Variants in VKORC1L1 observed in about 807,000 individuals in gnomAD.
VKORC1L1 encodes the protein vitamin K epoxide reductase complex subunit 1L1, also known as vitamin K epoxide reductase complex subunit 1-like protein 1.
A neutral mutation model predicts 18.9 loss-of-function variants in VKORC1L1; 2 were observed. The ratio of observed to expected loss-of-function variants is 0.11; its 90% confidence interval spans 0.04 to 0.33. The LOEUF (loss-of-function observed/expected upper bound fraction) is 0.33. Ranked by LOEUF, VKORC1L1 falls within the 10% of genes least tolerant of loss-of-function variation. The pLI is 1.00. For synonymous variants in VKORC1L1, 96 were observed against 100.0 expected, an observed-to-expected ratio of 0.96 and a Z score of 0.24; for missense variants, 123 against 224.1, an observed-to-expected ratio of 0.55 and a Z score of 2.88.
chr7:65,957,769 T>G lies in VKORC1L1; in HGVS notation c.*3469T>G, dbSNP rs901129603. 1 of 151,996 alleles carries G rather than the reference T, an allele frequency of 6.6e-6. No individual in the cohort carries two copies. The highest frequency in any genetic ancestry group is 1.5e-5 in the Non-Finnish European group (1 of 68,012). The allele number at this position is 151,996 out of a possible 1,614,324, so 9.4% of individuals were successfully genotyped here. On this transcript the variant is annotated 3_prime_UTR_variant, in exon 3 of 3. Coordinates refer to ENST00000360768, the MANE Select transcript of VKORC1L1 (RefSeq NM_173517.6). ...ATTGCTTGAACCCAGTAGGTGGAGG[T>G]TGCAGTGAGCCACAGTTGCGCCATT...
At chr7:65,882,651 CTG>C (rs1788947619) in intron 1 of VKORC1L1, among the ~76,000 whole-genome samples, 1 of 151,996 alleles carries the variant, frequency 6.6e-6, no homozygotes, top group South Asian at 2.1e-4. Flanking sequence ...ATTAGTAAGA[CTG>C]TAGCTTTATG....
chr7:65,955,325 G>A lies in VKORC1L1; in HGVS notation c.*1025G>A, dbSNP rs183481123. On this transcript the variant is annotated 3_prime_UTR_variant, in exon 3 of 3. Transcript: ENST00000360768. ...CAAGCCCCATCGCTCCGGAGTGGGA[G>A]CCAGTGTTCTTGCTAATTGTTTCTT... is the stretch of plus-strand genomic sequence containing the variant. The A allele has an allele frequency of 1.5e-4, 23 of 152,320 alleles. No individual in the cohort carries two copies. Among genetic ancestry groups the A allele is most frequent in the African/African-American group, 5.3e-4 (22 of 41,560 alleles). 9.4% of individuals were successfully genotyped at this position (152,320 alleles called of 1,614,324 possible). A position where few individuals can be genotyped will look rare whatever the true frequency, so the allele number is the denominator to read the frequency against.
Position 65,879,550 on chromosome 7 carries a change from A to C in VKORC1L1, c.194+5985A>C, listed in dbSNP as rs532455903. 7.5e-4 allele frequency among the ~76,000 whole-genome samples: 114 copies of C among 152,314 alleles called. 1 individual carries two copies. Among genetic ancestry groups the C allele is most frequent in the African/African-American group, 1.9e-3 (80 of 41,576 alleles). ...CATTTTACACATGAGAAAACTGAGC[A>C]ACGCAGACTAACACTTGATCCAGGT... On this transcript the variant is annotated intron_variant, in intron 1 of 2. Transcript: ENST00000360768.
intron 1 of VKORC1L1, among the ~76,000 whole-genome samples, chr7:65,924,966 C>G (rs935582570): frequency 5.3e-5 from 8 of 152,158 alleles, no homozygotes; most frequent in Non-Finnish European, 1.2e-4. Flanking sequence ...TGGGTGCTTT[C>G]CCTCCTGGTT....
intron 1 of VKORC1L1, among the ~76,000 whole-genome samples, chr7:65,924,808 A>G (rs138509064): frequency 7.2e-4 from 110 of 152,322 alleles, no homozygotes; most frequent in Non-Finnish European, 1.0e-3. Context: ...TATATGGAAT[A>G]TAAATATTTG....
upstream of VKORC1L1, among the ~76,000 whole-genome samples, chr7:65,871,975 A>G (rs905364322): frequency 3.3e-5 from 5 of 152,252 alleles, no homozygotes; most frequent in South Asian, 4.1e-4. Context: ...CAAAATCACT[A>G]TATAAAGCCC....
At chr7:65,905,376 T>A (rs1017869462) in intron 1 of VKORC1L1, among the ~76,000 whole-genome samples, 1 of 152,088 alleles carries the variant, frequency 6.6e-6, no homozygotes, top group Non-Finnish European at 1.5e-5. Context: ...AGTGGCGCGA[T>A]CTCAGCTCAC....
rs188065708 is a variant in VKORC1L1, at chr7:65,919,554, C to T, written c.195-29117C>T. On this transcript the variant is annotated intron_variant, in intron 1 of 2. Transcript: ENST00000360768. ...TAGACCATTTTCTTGCCTCATGCTG[C>T]ACATCCAGTCTGCGAGCAAGTCTTG... Among the ~76,000 whole-genome samples the T allele has an allele frequency of 2.0e-3, 308 of 152,230 alleles. 2 individuals are homozygous for T. The highest frequency in any genetic ancestry group is 0.017 in the Middle Eastern group (5 of 294).
At chr7:65,907,884 GT>G (rs35763745) in intron 1 of VKORC1L1, among the ~76,000 whole-genome samples, 77,330 of 150,026 alleles carry the variant, frequency 0.52, 20,720 homozygotes, top group East Asian at 0.81. Flanking sequence ...TCCCTCATCA[GT>G]TTTTTTTTTT....
intron 1 of VKORC1L1, among the ~76,000 whole-genome samples, chr7:65,931,386 A>T (rs1789854924): frequency 6.6e-6 from 1 of 152,088 alleles, no homozygotes; most frequent in African/African-American, 2.4e-5. Context: ...TTCTTTCAAG[A>T]TTTTTAACTA....
rs527255693 is a variant in VKORC1L1 at position 65,897,370 on chromosome 7, C to T, written c.194+23805C>T. Reference sequence around the variant, plus strand: ...TAAGGTGTAGGAAGATAGCTACTTCCGTATATTAATGGTAAGTTTCTAAAC... The same window carrying T: ...TAAGGTGTAGGAAGATAGCTACTTCTGTATATTAATGGTAAGTTTCTAAAC... On this transcript the variant is annotated intron_variant, in intron 1 of 2. Coordinates refer to ENST00000360768, the MANE Select transcript of VKORC1L1 (RefSeq NM_173517.6). 4.7e-4 allele frequency among the ~76,000 whole-genome samples: 72 copies of T among 152,176 alleles called. No individual in the cohort carries two copies. The South Asian group carries it at 0.013, about 28-fold the overall frequency.
chr7:65,873,726 G>A, intron 1 of VKORC1L1, among the ~76,000 whole-genome samples, 161 bp downstream of exon 1: 1 of 150,768 alleles, frequency 6.6e-6, no homozygotes, highest in African/African-American at 2.4e-5. Context: ...GGCGGCGGCG[G>A]GGCGCTCCTG....
intron 1 of VKORC1L1, among the ~76,000 whole-genome samples, chr7:65,916,644 G>A (rs1315437317): frequency 5.3e-5 from 8 of 151,744 alleles, no homozygotes; most frequent in African/African-American, 1.9e-4. Context: ...TGTTGCCCAG[G>A]CTGGAGTGCA....
rs1790254380 is a variant in VKORC1L1 at position 65,954,108 on chromosome 7, C to T, written c.339C>T (p.Leu113=). 6.2e-7 allele frequency: 1 copy of T among 1,605,684 alleles called. No individual in the cohort carries two copies. Among genetic ancestry groups the T allele is most frequent in the East Asian group, 2.2e-5 (1 of 44,644 alleles). ...MTASAVAALI[L]MTSSIMSVVG... ...CAAGCGCTGTGGCGGCTTTGATCCT[C>T]ATGACGTCCTCCATCATGTCGGTCG... The change falls in exon 3 of 3, where the codon CTC becomes CTT. Residue 113 remains leucine, a synonymous_variant. Coordinates refer to ENST00000360768, the MANE Select transcript of VKORC1L1 (RefSeq NM_173517.6).
chr7:65,911,290 A>G (rs555530455), intron 1 of VKORC1L1, among the ~76,000 whole-genome samples: 8 of 152,388 alleles, frequency 5.2e-5, no homozygotes, highest in African/African-American at 1.9e-4. Context: ...ATGTTAAATT[A>G]CAAATTTAAA....
intron 1 of VKORC1L1, among the ~76,000 whole-genome samples, chr7:65,896,496 T>C (rs1375478527): frequency 6.6e-6 from 1 of 152,084 alleles, no homozygotes; most frequent in Non-Finnish European, 1.5e-5. Context: ...CTTACCCTCC[T>C]ACCAGCAATG....
intron 1 of VKORC1L1, among the ~76,000 whole-genome samples, chr7:65,901,620 G>A (rs1789318486): frequency 6.6e-6 from 1 of 152,184 alleles, no homozygotes; most frequent in Admixed American, 6.5e-5. Flanking sequence ...CAGGGATGGG[G>A]AAGTCAAACA....
Position 65,943,422 on chromosome 7 carries a change from C to T in VKORC1L1, c.195-5249C>T, listed in dbSNP as rs1420785491. Among the ~76,000 whole-genome samples the T allele has an allele frequency of 3.3e-5, 5 of 152,066 alleles. No individual in the cohort carries two copies. In the East Asian group the frequency reaches 9.6e-4, roughly 29 times the overall value. ...TCTGATTTTTTTAAACTATATATAACTGTAATAACATTAAAAATAATGAAA... is the reference window on the plus strand; with the variant it reads ...TCTGATTTTTTTAAACTATATATAATTGTAATAACATTAAAAATAATGAAA... On this transcript the variant is annotated intron_variant, in intron 1 of 2. Transcript: ENST00000360768.
intron 1 of VKORC1L1, among the ~76,000 whole-genome samples, chr7:65,900,174 G>A (rs956520392): frequency 6.0e-5 from 9 of 150,600 alleles, no homozygotes; most frequent in Non-Finnish European, 8.9e-5. Flanking sequence ...CAGATCACAA[G>A]GTCAGGAGAT....
Sources: allele counts gnomAD v4.1 joint callset (sites outside exome capture counted in the v4.1 genomes callset), GRCh38; gene constraint gnomAD v4.1.1; transcripts MANE v1.5; gene names NCBI Gene and HGNC (gene_info 2026-07-23, HGNC 2026-07-21).